DAB1: variants seen among roughly 807,000 people sequenced by gnomAD.
DAB1 encodes DAB adaptor protein 1.
In DAB1, 15 loss-of-function variants were observed where a neutral mutation model predicts 64.6. The observed-to-expected ratio is 0.23, with a 90% confidence interval of 0.16 to 0.36. The LOEUF is 0.36. DAB1 is among the 10% of genes least tolerant of loss of function. The probability of loss-of-function intolerance (pLI) is 1.00; values close to 1 mark genes in which losing one functional copy is unlikely to be tolerated. For synonymous variants in DAB1, 235 were observed against 251.9 expected, an observed-to-expected ratio of 0.93 and a Z score of 0.64; for missense variants, 596 against 706.7, an observed-to-expected ratio of 0.84 and a Z score of 1.78.
chr1:57,680,702 A>G (rs1646626058), intron 6 of DAB1, among the ~76,000 whole-genome samples: 1 of 152,150 alleles, frequency 6.6e-6, no homozygotes, highest in South Asian at 2.1e-4. Context: ...AGCTGTTGGG[A>G]TTCTTCATTC....
intron 5 of DAB1, among the ~76,000 whole-genome samples, chr1:57,927,482 C>T (rs974888621): frequency 1.3e-5 from 2 of 151,994 alleles, no homozygotes; most frequent in Non-Finnish European, 2.9e-5. Flanking sequence ...CTGCACTCCA[C>T]CCTGGGTGAC....
At chr1:58,001,893 CTT>C (rs1209639981) in intron 5 of DAB1, among the ~76,000 whole-genome samples, 4 of 152,110 alleles carry the variant, frequency 2.6e-5, no homozygotes, top group Non-Finnish European at 5.9e-5. Context: ...ATTGCAGTCT[CTT>C]TATAAAAGGC....
At chr1:57,560,978 A>G (rs886636297) in intron 7 of DAB1, among the ~76,000 whole-genome samples, 1 of 152,132 alleles carries the variant, frequency 6.6e-6, no homozygotes, top group Non-Finnish European at 1.5e-5. Flanking sequence ...GTGCTTTCTG[A>G]CCCATCTAGC....
intron 1 of DAB1, among the ~76,000 whole-genome samples, chr1:57,341,198 C>T (rs999143716): frequency 1.3e-5 from 2 of 152,148 alleles, no homozygotes; most frequent in Non-Finnish European, 2.9e-5. Context: ...AATCTATGCT[C>T]TTAACCCCCA....
chr1:57,584,843 G>C (rs1000614196), intron 7 of DAB1, among the ~76,000 whole-genome samples: 3 of 152,182 alleles, frequency 2.0e-5, no homozygotes, highest in African/African-American at 7.2e-5. Flanking sequence ...TCAAGATATG[G>C]CTATGTGGCA....
At chr1:57,977,972 G>T (rs1411513232) in intron 5 of DAB1, among the ~76,000 whole-genome samples, 10 of 152,156 alleles carry the variant, frequency 6.6e-5, no homozygotes, top group Non-Finnish European at 1.5e-5. Context: ...TGAATATCGT[G>T]AAAATGGCCA....
chr1:57,377,022 C>T (rs1680950206), intron 1 of DAB1, among the ~76,000 whole-genome samples: 1 of 152,290 alleles, frequency 6.6e-6, no homozygotes, highest in Non-Finnish European at 1.5e-5. Context: ...ATAATCCCAA[C>T]ACTTTGGGAG....
intron 5 of DAB1, among the ~76,000 whole-genome samples, chr1:57,949,369 C>G (rs1008544548): frequency 3.9e-5 from 6 of 152,292 alleles, no homozygotes; most frequent in Admixed American, 3.9e-4. Flanking sequence ...CAGGCTCTCA[C>G]CTCCTGCTGG....
Position 57,250,890 on chromosome 1 carries a change from C to A in DAB1, c.67+40074G>T, listed in dbSNP as rs768241574. Among the ~76,000 whole-genome samples the A allele has an allele frequency of 5.3e-5, 8 of 152,238 alleles. No individual in the cohort carries two copies. In the East Asian group the frequency reaches 1.5e-3, roughly 29 times the overall value. ...ACCATGGAGACATGACTAGCGTCAT[C>A]CAGATGGCATTTTTCGCAGCCAGGA... On this transcript the variant is annotated intron_variant, in intron 2 of 14. Coordinates refer to ENST00000371236, the MANE Select transcript of DAB1 (RefSeq NM_001365792.1).
chr1:58,266,955 C>T (rs982370397), intron 4 of DAB1, among the ~76,000 whole-genome samples: 4 of 151,142 alleles, frequency 2.6e-5, no homozygotes, highest in African/African-American at 4.8e-5. Flanking sequence ...CGCGGTGGCT[C>T]ATGCCTCTAA....
At chr1:57,930,780 A>G (rs1359913219) in intron 5 of DAB1, among the ~76,000 whole-genome samples, 2 of 152,162 alleles carry the variant, frequency 1.3e-5, no homozygotes, top group Non-Finnish European at 2.9e-5. Context: ...TGGATTTTCT[A>G]CATAGATTAT....
At chr1:58,063,577 A>T (rs947615035) in intron 5 of DAB1, among the ~76,000 whole-genome samples, 1 of 152,178 alleles carries the variant, frequency 6.6e-6, no homozygotes, top group Non-Finnish European at 1.5e-5. Flanking sequence ...AGCATCTATC[A>T]AGCCCCTTGC....
chr1:57,563,322 GC>G (rs1474951199), intron 7 of DAB1, among the ~76,000 whole-genome samples: 3 of 152,168 alleles, frequency 2.0e-5, no homozygotes, highest in Non-Finnish European at 4.4e-5. Context: ...TTCCAAGATG[GC>G]CAAATAGGAA....
rs536060175 is a variant in DAB1 at position 57,962,889 on chromosome 1, C to A, written n.388-78727G>T. ...ATCCTGTCTCAAAAAAAAAACAAAA[C>A]AAAAAAAAATAAAAACCTCAAGAGC... On this transcript the variant is annotated intron_variant and non_coding_transcript_variant, in intron 5 of 20. Coordinates refer to the DAB1 transcript ENST00000485760. Among the ~76,000 whole-genome samples the A allele has an allele frequency of 8.2e-3, 1,224 of 149,532 alleles. 22 individuals carry two copies. The highest frequency in any genetic ancestry group is 0.044 in the East Asian group (219 of 4,922).
rs533052873 is a variant in DAB1 at position 57,832,416 on chromosome 1, T to A, written n.88-5961A>T. Among the ~76,000 whole-genome samples the A allele has an allele frequency of 5.9e-5, 9 of 152,318 alleles. No individual in the cohort carries two copies. The East Asian group carries it at 1.7e-3, about 29-fold the overall frequency. ...CATAAATGAGACCTATGGAGACGTATAGAGAAAGGAATCTTCAGGGATGTC... is the reference window on the plus strand; with the variant it reads ...CATAAATGAGACCTATGGAGACGTAAAGAGAAAGGAATCTTCAGGGATGTC... On this transcript the variant is annotated intron_variant and non_coding_transcript_variant, in intron 1 of 1. Transcript: ENST00000477280.
intron 2 of DAB1, among the ~76,000 whole-genome samples, chr1:57,155,373 C>G (rs1660112545): frequency 6.6e-6 from 1 of 151,986 alleles, no homozygotes; most frequent in Non-Finnish European, 1.5e-5. Flanking sequence ...CTATTCTGTT[C>G]CATTGGTCTA....
intron 1 of DAB1, among the ~76,000 whole-genome samples, chr1:57,420,467 T>C (rs1472973724): frequency 2.6e-5 from 4 of 152,260 alleles, no homozygotes; most frequent in East Asian, 1.9e-4. Flanking sequence ...TAAGTTAATA[T>C]GTGTAAAGTG....
intron 2 of DAB1, among the ~76,000 whole-genome samples, chr1:57,202,950 A>G (rs1665224972): frequency 6.6e-6 from 1 of 152,224 alleles, no homozygotes; most frequent in African/African-American, 2.4e-5. Flanking sequence ...AAAAATTTCC[A>G]GTACAACAAA....
chr1:57,428,795 C>T, upstream of DAB1, among the ~76,000 whole-genome samples: 1 of 149,394 alleles, frequency 6.7e-6, no homozygotes. Flanking sequence ...TACAAAGGTT[C>T]CCTTATCTCT....
Sources: gnomAD v4.1 joint callset for allele counts (sites outside exome capture counted in the v4.1 genomes callset) on GRCh38, gnomAD v4.1.1 for gene constraint, MANE v1.5 for transcripts, NCBI Gene and HGNC (gene_info 2026-07-23, HGNC 2026-07-21) for gene names.